Variants in MFF observed in about 807,000 individuals in gnomAD.
The protein encoded by MFF is mitochondrial fission factor.
In MFF, 12 loss-of-function variants were observed where a neutral mutation model predicts 36.9. The ratio of observed to expected loss-of-function variants is 0.33; its 90% confidence interval spans 0.21 to 0.53. The LOEUF is 0.53. Among genes scored for constraint, MFF ranks in the 20% least tolerant of loss-of-function variants. MFF has a pLI of 0.95. For synonymous variants in MFF, 99 were observed against 126.2 expected (o/e 0.78, Z 1.44); for missense variants, 348 against 366.6 (o/e 0.95, Z 0.42).
chr2:227,342,760 TTCTGC>T, intron 5 of MFF: 7 of 1,613,468 alleles, frequency 4.3e-6, no homozygotes, highest in Non-Finnish European at 5.9e-6. Flanking sequence ...ACAGATCAGA[TTCTGC>T]CCCAAGAAAT....
chr2:227,340,455 ATAAT>A lies in MFF; in HGVS notation c.440+78_440+81del, dbSNP rs1232303227. 28 of 1,064,828 alleles carry A rather than the reference ATAAT, an allele frequency of 2.6e-5. No individual in the cohort carries two copies. The Admixed American group carries it at 5.9e-4, about 22-fold the overall frequency. The allele number at this position is 1,064,828 out of a possible 1,614,324, so 66.0% of individuals were successfully genotyped here. ...ATTTTCTGTACCCATGTTTTTCTAA[ATAAT>A]TACTTCATGTAGTTTTTAAAATTTG... On this transcript the variant is annotated intron_variant, in intron 5 of 8. Transcript: ENST00000304593.
intron 1 of MFF, among the ~76,000 whole-genome samples, chr2:227,326,071 C>G (rs1284841209): frequency 6.6e-6 from 1 of 151,942 alleles, no homozygotes; most frequent in African/African-American, 2.4e-5. Context: ...CCTGTTCCGC[C>G]GAGCTTCTGA....
At chr2:227,340,404 AT>A in intron 5 of MFF, 24 bp downstream of exon 5, 3 of 1,438,204 alleles carry the variant, frequency 2.1e-6, no homozygotes, top group South Asian at 2.6e-5. Flanking sequence ...CTAGCATTTT[AT>A]CTCGTTTGTA....
At chr2:227,329,690 A>G in intron 2 of MFF, 1 of 1,261,448 alleles carries the variant, frequency 7.9e-7, no homozygotes, top group Non-Finnish European at 1.2e-6. Flanking sequence ...AGTAAACTGA[A>G]CTGCAGGGTA....
intron 4 of MFF, among the ~76,000 whole-genome samples, chr2:227,338,501 CTATT>C (rs1056950702): frequency 5.9e-5 from 9 of 152,124 alleles, no homozygotes; most frequent in East Asian, 1.9e-4. Context: ...AATTCACACA[CTATT>C]TGTTTTTTTA....
At chr2:227,351,555 G>C (rs2075996950) in intron 6 of MFF, 1 of 152,078 alleles carries the variant, frequency 6.6e-6, no homozygotes, top group Non-Finnish European at 1.5e-5. Flanking sequence ...ATCCAAAATA[G>C]GATTTAATAA....
chr2:227,355,851 C>T (rs758441060), intron 8 of MFF, 90 bp downstream of exon 8: 1 of 778,468 alleles, frequency 1.3e-6, no homozygotes, highest in Non-Finnish European at 2.2e-6. Flanking sequence ...TATTTTCTCT[C>T]CTGTGGGACT....
chr2:227,347,174 A>G (rs2075758830), intron 5 of MFF, 52 bp from the exon 6 acceptor site: 10 of 1,559,074 alleles, frequency 6.4e-6, no homozygotes, highest in Non-Finnish European at 8.8e-6. Context: ...GAAGTTTTAT[A>G]AAAATCTGAC....
intron 1 of MFF, among the ~76,000 whole-genome samples, chr2:227,328,377 A>G (rs1335264020): frequency 6.6e-6 from 1 of 151,642 alleles, no homozygotes; most frequent in Admixed American, 6.6e-5. Flanking sequence ...ATATATACGT[A>G]AGTATTAGAT....
chr2:227,347,073 T>C, intron 5 of MFF, 153 bp from the exon 6 acceptor site: 1 of 602,412 alleles, frequency 1.7e-6, no homozygotes. Flanking sequence ...CAATTCAAAA[T>C]ATTTATTCTT....
At chr2:227,333,712 G>T (rs2074773344) in intron 4 of MFF, among the ~76,000 whole-genome samples, 1 of 152,176 alleles carries the variant, frequency 6.6e-6, no homozygotes, top group African/African-American at 2.4e-5. Context: ...AGTATCCAGT[G>T]TGCTCCCAGT....
At chr2:227,331,846 A>G (rs2074592672) in intron 3 of MFF, among the ~76,000 whole-genome samples, 1 of 152,024 alleles carries the variant, frequency 6.6e-6, no homozygotes, top group Admixed American at 6.5e-5. Flanking sequence ...GGCTGTTGTA[A>G]GAGTTTTAAA....
chr2:227,354,829 C>T (rs898810148), intron 7 of MFF, among the ~76,000 whole-genome samples: 32 of 152,104 alleles, frequency 2.1e-4, no homozygotes, highest in Admixed American at 2.0e-4. Context: ...ATAATTGTTT[C>T]TGCGGGAGAA....
chr2:227,333,108 T>C (rs772947555), intron 4 of MFF, among the ~76,000 whole-genome samples: 3 of 152,258 alleles, frequency 2.0e-5, no homozygotes, highest in African/African-American at 7.2e-5. Flanking sequence ...GCCTTTGTCA[T>C]TGACTTACAG....
At chr2:227,333,036 G>C (rs1258681446) in intron 4 of MFF, among the ~76,000 whole-genome samples, 3 of 152,190 alleles carry the variant, frequency 2.0e-5, no homozygotes, top group African/African-American at 7.2e-5. Context: ...ACGTTAATGT[G>C]CCAGTTGACC....
At chr2:227,345,695 G>GT (rs2106425837) in intron 5 of MFF, among the ~76,000 whole-genome samples, 1 of 152,194 alleles carries the variant, frequency 6.6e-6, no homozygotes, top group African/African-American at 2.4e-5. Flanking sequence ...TTGTTTGTTT[G>GT]TTTGTTTATT....
intron 3 of MFF, among the ~76,000 whole-genome samples, chr2:227,332,162 C>T (rs1471751545): frequency 1.3e-5 from 2 of 149,860 alleles, no homozygotes; most frequent in Non-Finnish European, 3.0e-5. Flanking sequence ...TTAGTAGAGA[C>T]GGGGTTTCAC....
At chr2:227,336,606 G>A (rs986400197) in intron 4 of MFF, among the ~76,000 whole-genome samples, 5 of 152,170 alleles carry the variant, frequency 3.3e-5, no homozygotes, top group Admixed American at 1.3e-4. Flanking sequence ...CCATCAAATG[G>A]CATCCTCCAC....
intron 4 of MFF, among the ~76,000 whole-genome samples, chr2:227,337,166 T>A (rs2075067622): frequency 6.6e-6 from 1 of 152,250 alleles, no homozygotes; most frequent in Non-Finnish European, 1.5e-5. Context: ...ACACTTGCGT[T>A]CTTTGTACAG....
Sources: gnomAD v4.1 joint callset for allele counts (sites outside exome capture counted in the v4.1 genomes callset) on GRCh38, gnomAD v4.1.1 for gene constraint, MANE v1.5 for transcripts, NCBI Gene and HGNC (gene_info 2026-07-23, HGNC 2026-07-21) for gene names.